Variants in AUTS2 observed in about 807,000 individuals in gnomAD.
AUTS2 encodes activator of transcription and developmental regulator AUTS2.
AUTS2 carries 17 observed loss-of-function variants against 112.4 expected under a neutral mutation model. The observed-to-expected ratio is 0.15, with a 90% CI of 0.10 to 0.23. The LOEUF (loss-of-function observed/expected upper bound fraction) is 0.23, where lower values mean the gene tolerates loss of function less well. AUTS2 is among the 10% of genes least tolerant of loss of function. The pLI is 1.00. For missense variants in AUTS2, 1,510 were observed against 1,701.6 expected (o/e 0.89, Z 1.98); for synonymous variants, 751 against 702.7 (o/e 1.07, Z -1.09).
intron 1 of AUTS2, among the ~76,000 whole-genome samples, chr7:69,656,551 C>A (rs1795550055): frequency 6.6e-6 from 1 of 151,794 alleles, no homozygotes; most frequent in African/African-American, 2.4e-5. Flanking sequence ...GATAATGTAT[C>A]CTGTTTTTTG....
rs150219887 is a variant in AUTS2, at chr7:70,243,187, A to G, written c.660+108616A>G. Among the ~76,000 whole-genome samples, 16 of 151,908 alleles carry G rather than the reference A, an allele frequency of 1.1e-4. No homozygotes were observed. In the East Asian group the frequency reaches 1.5e-3, roughly 15 times the overall value. The stretch of plus-strand genomic sequence containing the variant: ...AATTACAGCCTCAAGCCAGGTTTCC[A>G]TAATCAGTTTTCCTTTAAAAAATAG... On this transcript the variant is annotated intron_variant, in intron 4 of 18. Coordinates refer to ENST00000342771, the MANE Select transcript of AUTS2 (RefSeq NM_015570.4).
intron 2 of AUTS2, among the ~76,000 whole-genome samples, chr7:70,011,314 TCTCTC>T (rs71068006): frequency 0.14 from 15,290 of 110,530 alleles, 1,299 homozygotes; most frequent in African/African-American, 0.2. Context: ...TCTCCTTTCC[TCTCTC>T]CTCTCCTCTC....
At chr7:70,626,326 C>G (rs1477647354) in intron 5 of AUTS2, among the ~76,000 whole-genome samples, 1 of 137,818 alleles carries the variant, frequency 7.3e-6, no homozygotes, top group African/African-American at 2.8e-5. Context: ...AAGTTTGCAT[C>G]CAGCCTGGGC....
intron 2 of AUTS2, among the ~76,000 whole-genome samples, chr7:69,905,658 C>G (rs1795122227): frequency 6.6e-6 from 1 of 152,158 alleles, no homozygotes; most frequent in Admixed American, 6.6e-5. Context: ...AGGGCAGATC[C>G]TTCCCTACTT....
At chr7:70,482,790 C>T (rs1385375461) in intron 5 of AUTS2, among the ~76,000 whole-genome samples, 7 of 152,140 alleles carry the variant, frequency 4.6e-5, no homozygotes, top group African/African-American at 1.7e-4. Flanking sequence ...CAGCCCCATT[C>T]CTGCTGCTTT....
Position 70,553,760 on chromosome 7 carries a change from CTTTTTTTTTTTTTTT to C in AUTS2, c.690+117989_690+118003del, listed in dbSNP as rs71531706. Among the ~76,000 whole-genome samples the C allele has an allele frequency of 5.3e-5, 3 of 56,116 alleles. No homozygotes were observed. The South Asian group carries it at 2.8e-3, about 52-fold the overall frequency. 36.8% of individuals were successfully genotyped at this position (56,116 alleles called of 152,430 possible). A position where few individuals can be genotyped will look rare whatever the true frequency, so the allele number is the denominator to read the frequency against. The stretch of plus-strand genomic sequence containing the variant: ...GACCTTGAGAAAGAGGCCTTTCTTT[CTTTTTTTTTTTTTTT>C]TTTTTTTTTGAGACGGAGTCTTGCT... On this transcript the variant is annotated intron_variant, in intron 5 of 18. Coordinates refer to ENST00000342771, the MANE Select transcript of AUTS2 (RefSeq NM_015570.4).
intron 1 of AUTS2, among the ~76,000 whole-genome samples, chr7:69,730,428 AT>A (rs1275216905): frequency 1.3e-5 from 2 of 152,104 alleles, no homozygotes; most frequent in Non-Finnish European, 2.9e-5. Flanking sequence ...ATTAAAAGCA[AT>A]TTTTAAAATC....
intron 4 of AUTS2, among the ~76,000 whole-genome samples, chr7:70,277,041 C>A (rs1787961511): frequency 6.6e-6 from 1 of 152,108 alleles, no homozygotes; most frequent in South Asian, 2.1e-4. Context: ...GTGAAATATA[C>A]ATGGTTTTGT....
At chr7:69,622,183 A>C (rs1198072742) in intron 1 of AUTS2, among the ~76,000 whole-genome samples, 1 of 152,140 alleles carries the variant, frequency 6.6e-6, no homozygotes, top group African/African-American at 2.4e-5. Flanking sequence ...GTTTAAAAAC[A>C]AGTGCTCTGG....
At chr7:69,731,525 T>G (rs1479001929) in intron 1 of AUTS2, among the ~76,000 whole-genome samples, 1 of 152,258 alleles carries the variant, frequency 6.6e-6, no homozygotes, top group Non-Finnish European at 1.5e-5. Flanking sequence ...AAGTAGTAGC[T>G]GTTATTACTT....
At chr7:70,635,868 G>T (rs927201830) in intron 5 of AUTS2, among the ~76,000 whole-genome samples, 4 of 152,204 alleles carry the variant, frequency 2.6e-5, no homozygotes, top group African/African-American at 9.6e-5. Flanking sequence ...GTGGATAGAA[G>T]TGGAAGTGCA....
chr7:70,344,554 G>A (rs992073767), intron 4 of AUTS2, among the ~76,000 whole-genome samples: 2 of 152,168 alleles, frequency 1.3e-5, no homozygotes, highest in Admixed American at 6.5e-5. Context: ...GCTTTACTGA[G>A]TGGTCTTAAC....
At chr7:70,254,930 C>A (rs558026904) in intron 4 of AUTS2, among the ~76,000 whole-genome samples, 1 of 152,046 alleles carries the variant, frequency 6.6e-6, no homozygotes, top group Admixed American at 6.5e-5. Flanking sequence ...GGTCTTGACC[C>A]TTTCCCTTCT....
chr7:69,720,775 G>A (rs1798890079), intron 1 of AUTS2, among the ~76,000 whole-genome samples: 1 of 152,130 alleles, frequency 6.6e-6, no homozygotes, highest in African/African-American at 2.4e-5. Context: ...TGTTATTACG[G>A]GAAAAGGAGA....
chr7:70,193,217 C>T lies in AUTS2; in HGVS notation c.660+58646C>T, dbSNP rs973809538. Among the ~76,000 whole-genome samples the T allele has an allele frequency of 2.0e-5, 3 of 152,184 alleles. No individual in the cohort carries two copies. In the East Asian group the frequency reaches 5.8e-4, roughly 29 times the overall value. On this transcript the variant is annotated intron_variant, in intron 4 of 18. Transcript: ENST00000342771. ...ACCTTGACAAGGCCAAAAACCTACACAACTCTGAGCCTTTCTTGGTAGTGG... is the reference window on the plus strand; with the variant it reads ...ACCTTGACAAGGCCAAAAACCTACATAACTCTGAGCCTTTCTTGGTAGTGG...
intron 5 of AUTS2, among the ~76,000 whole-genome samples, chr7:70,687,382 T>C (rs754687151): frequency 6.6e-6 from 1 of 152,238 alleles, no homozygotes; most frequent in Non-Finnish European, 1.5e-5. Flanking sequence ...TTTATTTGTA[T>C]TTTTCATTGC....
intron 5 of AUTS2, among the ~76,000 whole-genome samples, chr7:70,530,677 CT>C (rs907954278): frequency 7.2e-5 from 11 of 152,148 alleles, no homozygotes; most frequent in Non-Finnish European, 1.5e-5. Context: ...CTTATGGTCA[CT>C]GCTTTTATTA....
intron 4 of AUTS2, among the ~76,000 whole-genome samples, chr7:70,140,404 T>C (rs1806799152): frequency 1.3e-5 from 2 of 152,170 alleles, no homozygotes; most frequent in South Asian, 4.2e-4. Context: ...ACACACTGTA[T>C]TTGAATAAGA....
chr7:69,674,089 G>A (rs1295446029), intron 1 of AUTS2, among the ~76,000 whole-genome samples: 1 of 152,234 alleles, frequency 6.6e-6, no homozygotes, highest in Non-Finnish European at 1.5e-5. Context: ...GAGTGACAGA[G>A]GTTTCCCACT....
Sources: allele counts gnomAD v4.1 joint callset (sites outside exome capture counted in the v4.1 genomes callset), GRCh38; gene constraint gnomAD v4.1.1; transcripts MANE v1.5; gene names NCBI Gene and HGNC (gene_info 2026-07-23, HGNC 2026-07-21).